SMYD1: variants seen among roughly 807,000 people sequenced by gnomAD.
SMYD1 encodes SET and MYND domain containing 1.
SMYD1 carries 49 observed loss-of-function variants against 54.0 expected under a neutral mutation model. The ratio of observed to expected loss-of-function variants is 0.91; its 90% CI spans 0.72 to 1.15. SMYD1 has a LOEUF of 1.15. Ranked by LOEUF, SMYD1 falls within the 50% of genes most tolerant of loss-of-function variation. The probability of loss-of-function intolerance (pLI) is 0.00; values close to 1 mark genes in which losing one functional copy is unlikely to be tolerated. For missense variants in SMYD1, 653 were observed against 639.6 expected (o/e 1.02, Z -0.23); for synonymous variants, 269 against 234.2 (o/e 1.15, Z -1.36).
chr2:88,080,962 G>A (rs550941675), intron 1 of SMYD1, among the ~76,000 whole-genome samples: 12 of 151,742 alleles, frequency 7.9e-5, no homozygotes, highest in African/African-American at 2.7e-4. Flanking sequence ...GAGTGCAGTG[G>A]TACAATCTTG....
rs1165187855 is a variant in SMYD1, at chr2:88,111,418, C to T, written c.*906C>T. The T allele has an allele frequency of 6.6e-6, 1 of 152,246 alleles. No individual in the cohort carries two copies. The highest frequency in any genetic ancestry group is 1.5e-5 in the Non-Finnish European group (1 of 68,064). The allele number at this position is 152,246 out of a possible 1,614,324, so 9.4% of individuals were successfully genotyped here. On this transcript the variant is annotated 3_prime_UTR_variant, in exon 10 of 10. Transcript: ENST00000419482. ...GCTGAGAGAGAATCTTGGAAACACA[C>T]ATACCTGTTGATCATGGGCCCTGCA... is the stretch of plus-strand genomic sequence containing the variant.
intron 1 of SMYD1, among the ~76,000 whole-genome samples, chr2:88,083,720 G>C (rs1201684693): frequency 6.6e-6 from 1 of 152,166 alleles, no homozygotes; most frequent in Non-Finnish European, 1.5e-5. Context: ...AATACATTTA[G>C]GTCATCAATT....
At chr2:88,070,780 C>A (rs1381137772) in intron 1 of SMYD1, among the ~76,000 whole-genome samples, 1 of 151,578 alleles carries the variant, frequency 6.6e-6, no homozygotes, top group Admixed American at 6.6e-5. Flanking sequence ...TCTGTCTCTA[C>A]AAAAATACGA....
At chr2:88,088,660 A>AT (rs973117293) in intron 3 of SMYD1, among the ~76,000 whole-genome samples, 1 of 151,832 alleles carries the variant, frequency 6.6e-6, no homozygotes, top group Non-Finnish European at 1.5e-5. Context: ...CACTTTTTAC[A>AT]TTTTTTTCCT....
chr2:88,073,744 A>G lies in SMYD1; in HGVS notation c.137+5743A>G, dbSNP rs961018391. 3.3e-5 allele frequency among the ~76,000 whole-genome samples: 5 copies of G among 152,244 alleles called. No homozygotes were observed. In the South Asian group the frequency reaches 1.0e-3, roughly 31 times the overall value. ...TCTCCTCATCCCAATACTGGCCAAC[A>G]CAGAAAACTATTTCACTTTTTCATG... On this transcript the variant is annotated intron_variant, in intron 1 of 9. Transcript: ENST00000419482.
At chr2:88,068,064 C>T in intron 1 of SMYD1, 63 bp downstream of exon 1, 3 of 1,528,710 alleles carry the variant, frequency 2.0e-6, no homozygotes, top group Non-Finnish European at 2.6e-6. Context: ...CTCTAAAATA[C>T]TTTGCTCTCA....
In SMYD1 at chr2:88,091,179, G is replaced by A. The variant is rs146539742; in HGVS notation, c.659+37G>A. ...TTTATGTGGGGGTGTGTGTGAAGGG[G>A]ATGGGGAGACCTATGGTGTTTTCTC... On this transcript the variant is annotated intron_variant, in intron 4 of 9. Transcript: ENST00000419482. 1.2e-4 allele frequency: 196 copies of A among 1,601,166 alleles called. No individual in the cohort carries two copies. In the African/African-American group the frequency reaches 2.4e-3, roughly 20 times the overall value.
intron 9 of SMYD1, among the ~76,000 whole-genome samples, chr2:88,109,778 G>A (rs116719290): frequency 0.011 from 1,716 of 152,200 alleles, 26 homozygotes; most frequent in African/African-American, 0.04. Context: ...GCAGAGAAGC[G>A]GACTAACTAG....
chr2:88,096,447 A>G (rs1674589063), intron 5 of SMYD1, 148 bp from the exon 6 acceptor site: 2 of 717,644 alleles, frequency 2.8e-6, no homozygotes, highest in Non-Finnish European at 2.4e-6. Flanking sequence ...TTTAGGTCAC[A>G]TTTCTCCTTT....
intron 1 of SMYD1, among the ~76,000 whole-genome samples, chr2:88,081,214 A>G (rs1674183667): frequency 6.6e-6 from 1 of 151,932 alleles, no homozygotes; most frequent in Non-Finnish European, 1.5e-5. Context: ...GGATATGTTC[A>G]TTATCTTGAT....
chr2:88,089,586 T>C lies in SMYD1; in HGVS notation c.529-1426T>C, dbSNP rs959400380. ...TTTCAGGAGCCAGAGCTTCTACCTG[T>C]TTTTTTTTTTTTTTTTTTTTTTTGA... On this transcript the variant is annotated intron_variant, in intron 3 of 9. Coordinates refer to ENST00000419482, the MANE Select transcript of SMYD1 (RefSeq NM_198274.4). 9.5e-3 allele frequency among the ~76,000 whole-genome samples: 1,014 copies of C among 107,188 alleles called. 51 individuals are homozygous for C. The highest frequency in any genetic ancestry group is 0.022 in the South Asian group (46 of 2,092). 70.3% of individuals were successfully genotyped at this position (107,188 alleles called of 152,430 possible).
rs550521033 is a variant in SMYD1 at position 88,077,362 on chromosome 2, A to G, written c.138-6954A>G. On this transcript the variant is annotated intron_variant, in intron 1 of 9. Coordinates refer to ENST00000419482, the MANE Select transcript of SMYD1 (RefSeq NM_198274.4). ...CCAAGCAGGTGGGCCTTGTAGCTGC[A>G]TCCGCCCGCCTTCTGTGCTGGGAGC... is the stretch of plus-strand genomic sequence containing the variant. 2.6e-5 allele frequency among the ~76,000 whole-genome samples: 4 copies of G among 152,346 alleles called. No homozygotes were observed. In the South Asian group the frequency reaches 8.3e-4, roughly 32 times the overall value.
chr2:88,106,803 T>C (rs983983156), intron 8 of SMYD1, among the ~76,000 whole-genome samples: 1 of 152,174 alleles, frequency 6.6e-6, no homozygotes, highest in Non-Finnish European at 1.5e-5. Context: ...TTTTAAGTGA[T>C]TGGACCCTGC....
In SMYD1 at chr2:88,106,356, A is replaced by G; in HGVS notation, c.1013A>G (p.Lys338Arg). ...VVKLCRECLE[K>R]QEPVFADTNI... ...AAATTATGCCGGGAGTGCCTGGAGAAGCAGGAGCCAGTGTTTGCTGACACC... is the reference window on the plus strand; with the variant it reads ...AAATTATGCCGGGAGTGCCTGGAGAGGCAGGAGCCAGTGTTTGCTGACACC... Residue 338 changes from lysine (K) to arginine (R), a missense_variant, in exon 8 of 10, where the codon AAG (lysine) becomes AGG (arginine). Coordinates refer to ENST00000419482, the MANE Select transcript of SMYD1 (RefSeq NM_198274.4). 3 of 1,614,146 alleles carry G rather than the reference A, an allele frequency of 1.9e-6. No homozygotes were observed. Among genetic ancestry groups the G allele is most frequent in the Non-Finnish European group, 2.5e-6 (3 of 1,180,030 alleles).
chr2:88,100,335 A>G (rs1674694581), intron 6 of SMYD1, among the ~76,000 whole-genome samples: 1 of 152,062 alleles, frequency 6.6e-6, no homozygotes, highest in African/African-American at 2.4e-5. Context: ...TTCAAGTGAC[A>G]CTCCCTTACA....
Position 88,112,251 on chromosome 2 carries a change from T to C in SMYD1, c.*1739T>C, listed in dbSNP as rs1470978436. 4 of 677,854 alleles carry C rather than the reference T, an allele frequency of 5.9e-6. No homozygotes were observed. Among genetic ancestry groups the C allele is most frequent in the Non-Finnish European group, 1.1e-5 (4 of 369,484 alleles). 42.0% of individuals were successfully genotyped at this position (677,854 alleles called of 1,614,324 possible). Reference sequence around the variant, plus strand: ...TCTCCCCCAAACCTTTTTCCCTTCTTTGTCATTGTTATCTGCTAAGCCCCT... The same window carrying C: ...TCTCCCCCAAACCTTTTTCCCTTCTCTGTCATTGTTATCTGCTAAGCCCCT... On this transcript the variant is annotated 3_prime_UTR_variant, in exon 10 of 10. Transcript: ENST00000419482.
chr2:88,082,202 T>A (rs778530097), intron 1 of SMYD1, among the ~76,000 whole-genome samples: 6 of 152,150 alleles, frequency 3.9e-5, no homozygotes, highest in Non-Finnish European at 8.8e-5. Context: ...AGTATGCTAG[T>A]GTAATTCTAC....
chr2:88,082,546 G>A (rs1674222650), intron 1 of SMYD1: 1 of 154,352 alleles, frequency 6.5e-6, no homozygotes, highest in Non-Finnish European at 1.5e-5. Context: ...TCAGGCTCAA[G>A]GGTCAGGCCT....
intron 1 of SMYD1, among the ~76,000 whole-genome samples, chr2:88,083,565 T>C (rs554708064): frequency 6.6e-5 from 10 of 152,208 alleles, no homozygotes; most frequent in Non-Finnish European, 1.5e-4. Flanking sequence ...CTTGTCATTC[T>C]TACTGTTGCA....
Sources: gnomAD v4.1 joint callset for allele counts (sites outside exome capture counted in the v4.1 genomes callset) on GRCh38, gnomAD v4.1.1 for gene constraint, MANE v1.5 for transcripts, NCBI Gene and HGNC (gene_info 2026-07-23, HGNC 2026-07-21) for gene names.